Variants in ELP3 observed in about 807,000 individuals in gnomAD.
ELP3 encodes elongator acetyltransferase complex subunit 3.
In ELP3, 56 loss-of-function variants were observed where a neutral mutation model predicts 74.9. That is an observed-to-expected ratio of 0.75 (90% CI 0.60 to 0.93). The LOEUF is 0.93. Among genes scored for constraint, ELP3 ranks in the 40% least tolerant of loss-of-function variants. The pLI is 0.00. For missense variants in ELP3, 573 were observed against 686.5 expected (o/e 0.83, Z 1.85); for synonymous variants, 222 against 239.8 (o/e 0.93, Z 0.68).
At chr8:28,108,885 G>A (rs1205754385) in intron 5 of ELP3, among the ~76,000 whole-genome samples, 19 of 152,198 alleles carry the variant, frequency 1.2e-4, no homozygotes, top group Non-Finnish European at 2.2e-4. Context: ...TTTAGCTGTG[G>A]TCGTTAGGAA....
At chr8:28,175,169 AT>A (rs1814692771) in intron 14 of ELP3, among the ~76,000 whole-genome samples, 1 of 152,146 alleles carries the variant, frequency 6.6e-6, no homozygotes, top group Admixed American at 6.5e-5. Context: ...GAATGTATAG[AT>A]TCATGTCTTT....
At chr8:28,095,792 G>T (rs1376372114) in intron 1 of ELP3, among the ~76,000 whole-genome samples, 1 of 152,130 alleles carries the variant, frequency 6.6e-6, no homozygotes, top group Non-Finnish European at 1.5e-5. Context: ...TACTGTAAGG[G>T]TTCAAATGAG....
In ELP3 at chr8:28,132,346, C is replaced by T; in HGVS notation, c.848C>T (p.Ala283Val). 1 of 1,614,076 alleles carries T rather than the reference C, an allele frequency of 6.2e-7. No individual in the cohort carries two copies. Among genetic ancestry groups the T allele is most frequent in the Non-Finnish European group, 8.5e-7 (1 of 1,179,980 alleles). ...LAKDSGFKVV[A>V]HMMPDLPNVG... ...AAAGATTCCGGTTTTAAAGTGGTGG[C>T]CCATATGATGCCTGACCTGCCAAAC... The change falls in exon 9 of 15, where the codon GCC becomes GTC. Residue 283 changes from alanine (A) to valine (V), a missense_variant. Transcript: ENST00000256398.
intron 14 of ELP3, among the ~76,000 whole-genome samples, chr8:28,164,278 C>T (rs1336537379): frequency 3.9e-5 from 6 of 152,264 alleles, no homozygotes; most frequent in African/African-American, 1.4e-4. Context: ...AAGTGGAAAT[C>T]AGCATCTGCC....
chr8:28,127,791 T>C (rs990798515), intron 7 of ELP3, among the ~76,000 whole-genome samples: 2 of 152,214 alleles, frequency 1.3e-5, no homozygotes, highest in African/African-American at 4.8e-5. Flanking sequence ...TTTGAACTAG[T>C]TGTTTACCTT....
At chr8:28,159,715 GC>G (rs1459145883) in intron 12 of ELP3, among the ~76,000 whole-genome samples, 1 of 152,114 alleles carries the variant, frequency 6.6e-6, no homozygotes, top group Non-Finnish European at 1.5e-5. Context: ...ATATTTAAGT[GC>G]CCTGTGGGAG....
At chr8:28,122,987 G>A (rs1812432216) in intron 7 of ELP3, among the ~76,000 whole-genome samples, 1 of 152,210 alleles carries the variant, frequency 6.6e-6, no homozygotes, top group African/African-American at 2.4e-5. Context: ...AGCCATGTGT[G>A]GTGGCACGCA....
intron 6 of ELP3, among the ~76,000 whole-genome samples, chr8:28,112,149 A>AT (rs879545522): frequency 2.2e-4 from 32 of 147,774 alleles, no homozygotes; most frequent in Admixed American, 7.4e-4. Flanking sequence ...TATTATTATT[A>AT]TTTTTTTTTT....
At position 28,109,722 on chromosome 8, in the gene ELP3, C is replaced by T. The variant is rs143039354; in HGVS notation, c.394-648C>T. On this transcript the variant is annotated intron_variant, in intron 5 of 14. Coordinates refer to ENST00000256398, the MANE Select transcript of ELP3 (RefSeq NM_018091.6). ...ATACAATATTTTTAATAATTTTGTG[C>T]GTGAAACAAAGTTTGTGTTAAGTAC... Among the ~76,000 whole-genome samples, 254 of 152,198 alleles carry T rather than the reference C, an allele frequency of 1.7e-3. 4 individuals carry two copies. The East Asian group carries it at 0.038, about 23-fold the overall frequency.
chr8:28,115,779 G>A (rs1001413446), intron 7 of ELP3, among the ~76,000 whole-genome samples: 2 of 152,192 alleles, frequency 1.3e-5, no homozygotes, highest in African/African-American at 4.8e-5. Context: ...GAGTGTGTCT[G>A]TATGTATGTG....
intron 9 of ELP3, among the ~76,000 whole-genome samples, chr8:28,134,204 A>G (rs1191696013): frequency 6.6e-6 from 1 of 152,180 alleles, no homozygotes; most frequent in Non-Finnish European, 1.5e-5. Flanking sequence ...GGAGACCAGT[A>G]GGATAGCCAG....
At chr8:28,186,546 T>C (rs1815248476) in intron 14 of ELP3, among the ~76,000 whole-genome samples, 1 of 152,198 alleles carries the variant, frequency 6.6e-6, no homozygotes, top group African/African-American at 2.4e-5. Flanking sequence ...AAGTCCATTT[T>C]CGATTGCTTA....
intron 1 of ELP3, among the ~76,000 whole-genome samples, chr8:28,096,742 G>T (rs1019316778): frequency 1.3e-5 from 2 of 152,154 alleles, no homozygotes; most frequent in Admixed American, 6.5e-5. Flanking sequence ...TTTACTCCTT[G>T]ATAGCATCTT....
chr8:28,090,429 C>G, upstream of ELP3: 1 of 297,524 alleles, frequency 3.4e-6, no homozygotes, highest in African/African-American at 2.2e-5. Flanking sequence ...AAGTCTGGAA[C>G]CCAGGCTGTT....
intron 11 of ELP3, 34 bp downstream of exon 11, chr8:28,156,066 T>C (rs2130536911): frequency 6.4e-7 from 1 of 1,551,210 alleles, no homozygotes; most frequent in African/African-American, 1.4e-5. Context: ...GCCACAACTG[T>C]TGAGAAAAAG....
intron 12 of ELP3, 101 bp downstream of exon 12, chr8:28,158,734 A>C: frequency 1.1e-6 from 1 of 907,126 alleles, no homozygotes; most frequent in African/African-American, 1.7e-5. Flanking sequence ...CCAGGAGTGA[A>C]TAACTAAGAG....
At chr8:28,167,913 T>C (rs879554261) in intron 14 of ELP3, among the ~76,000 whole-genome samples, 3 of 152,240 alleles carry the variant, frequency 2.0e-5, no homozygotes, top group Non-Finnish European at 4.4e-5. Context: ...ATTTCTTTAC[T>C]ACAGGAATTC....
At chr8:28,184,593 T>A (rs6558044) in intron 14 of ELP3, among the ~76,000 whole-genome samples, 1 of 152,004 alleles carries the variant, frequency 6.6e-6, no homozygotes, top group Admixed American at 6.5e-5. Context: ...ACTTTCTGGT[T>A]ATCCAAGGAC....
intron 5 of ELP3, among the ~76,000 whole-genome samples, chr8:28,109,050 G>C (rs967509502): frequency 6.6e-6 from 1 of 152,092 alleles, no homozygotes; most frequent in African/African-American, 2.4e-5. Flanking sequence ...GGGGGTGAGG[G>C]AAGCATGAGG....
Sources: gnomAD v4.1 joint callset for allele counts (sites outside exome capture counted in the v4.1 genomes callset) on GRCh38, gnomAD v4.1.1 for gene constraint, MANE v1.5 for transcripts, NCBI Gene and HGNC (gene_info 2026-07-23, HGNC 2026-07-21) for gene names.